The following NBAS variants were observed in gnomAD, a reference collection of about 807,000 sequenced individuals.
NBAS encodes the protein NBAS subunit of NRZ tethering complex.
A neutral mutation model predicts 302.5 loss-of-function variants in NBAS; 219 were observed. The observed-to-expected ratio is 0.72, with a 90% confidence interval of 0.65 to 0.81. NBAS has a LOEUF of 0.81. Among genes scored for constraint, NBAS ranks in the 30% least tolerant of loss-of-function variants. The pLI is 0.00. For synonymous variants in NBAS, 1,118 were observed against 1,021.6 expected (o/e 1.09, Z -1.80); for missense variants, 2,932 against 2,841.6 (o/e 1.03, Z -0.72).
intron 9 of NBAS, among the ~76,000 whole-genome samples, chr2:15,533,999 A>C (rs79772934): frequency 6.6e-6 from 1 of 152,180 alleles, no homozygotes; most frequent in African/African-American, 2.4e-5. Flanking sequence ...CTGTTCTCAA[A>C]TAACAAAATT....
At chr2:15,412,781 G>C (rs370134260) in intron 25 of NBAS, among the ~76,000 whole-genome samples, 69 of 152,234 alleles carry the variant, frequency 4.5e-4, no homozygotes, top group East Asian at 2.5e-3. Flanking sequence ...AGCCATGAAG[G>C]GGGGGCTCTT....
the NBAS span, among the ~76,000 whole-genome samples, chr2:14,874,442 T>C: frequency 4.9e-5 from 7 of 143,224 alleles, no homozygotes; most frequent in East Asian, 2.1e-4. Context: ...CTGTCTAACA[T>C]GGTGAAACCC....
Position 15,551,495 on chromosome 2 carries a change from T to C in NBAS, c.377A>G (p.Gln126Arg), listed in dbSNP as rs771393701. ...TTAAATATTTTGGAAACTCTTACCT[T>C]GACATTTCCCAATAATGGATGTAAA... ...DDFTSIIGKC[Q>R]VPKDPKPQWR... Residue 126 changes from glutamine (Q) to arginine (R), a missense_variant and splice_region_variant, in exon 6 of 52, where the codon CAA becomes CGA. Physicochemically the swap from Gln to Arg is conservative, Grantham distance 43 (BLOSUM62 1). Transcript: ENST00000281513. 6.2e-7 allele frequency: 1 copy of C among 1,607,400 alleles called. No homozygotes were observed. The highest frequency in any genetic ancestry group is 8.5e-7 in the Non-Finnish European group (1 of 1,175,612).
At chr2:15,034,901 C>T in the NBAS span, among the ~76,000 whole-genome samples, 15 of 152,208 alleles carry the variant, frequency 9.9e-5, no homozygotes, top group Admixed American at 7.8e-4. Flanking sequence ...CACATACAAA[C>T]ACTTCGTTGG....
chr2:15,055,325 C>T, the NBAS span, among the ~76,000 whole-genome samples: 2 of 152,150 alleles, frequency 1.3e-5, no homozygotes, highest in Non-Finnish European at 2.9e-5. Flanking sequence ...CCAGTGACCT[C>T]CCAGAGAGAG....
At chr2:14,874,726 A>G in the NBAS span, among the ~76,000 whole-genome samples, 4 of 151,454 alleles carry the variant, frequency 2.6e-5, no homozygotes, top group Non-Finnish European at 5.9e-5. Context: ...AGATTTTTAC[A>G]TCTCCAAGCA....
At position 15,383,259 on chromosome 2, in the gene NBAS, G is replaced by A. The variant is rs767908363; in HGVS notation, c.3316C>T (p.Gln1106Ter). The change falls in exon 29 of 52, where the codon CAG becomes TAG. Residue 1106 changes from glutamine (Q) to a stop codon, truncating the protein, a stop_gained. Transcript: ENST00000281513. LOFTEE classifies it high-confidence loss of function. ...TCTAGACATGTGTATACATTCTGCTGCATAGTTAACATGTCTTGCAGCAAC... is the reference window on the plus strand; with the variant it reads ...TCTAGACATGTGTATACATTCTGCTACATAGTTAACATGTCTTGCAGCAAC... ...RTLLQDMLTM[Q>*]QNVYTCLDSD... 3.7e-6 allele frequency: 6 copies of A among 1,613,896 alleles called. No individual in the cohort carries two copies. Among genetic ancestry groups the A allele is most frequent in the Admixed American group, 3.3e-5 (2 of 59,986 alleles).
the NBAS span, among the ~76,000 whole-genome samples, chr2:15,014,647 TA>T: frequency 6.6e-6 from 1 of 152,174 alleles, no homozygotes; most frequent in African/African-American, 2.4e-5. Flanking sequence ...GAGGTAAGTT[TA>T]TAACAATAAA....
intron 46 of NBAS, among the ~76,000 whole-genome samples, chr2:15,233,551 T>A (rs12616994): frequency 3.4e-4 from 51 of 152,128 alleles, no homozygotes; most frequent in African/African-American, 1.2e-3. Flanking sequence ...CCAAAAGGTA[T>A]GAAATATGGC....
At position 15,287,068 on chromosome 2, in the gene NBAS, C is replaced by CT. The variant is rs1252660313; in HGVS notation, c.5138+4dup. The CT allele has an allele frequency of 6.3e-7, 1 of 1,590,650 alleles. No homozygotes were observed. The highest frequency in any genetic ancestry group is 1.7e-5 in the Admixed American group (1 of 59,978). The stretch of plus-strand genomic sequence containing the variant: ...AACAAACGTACATATGAACTGTGTG[C>CT]TTACCCACTGTCCGTGAAGAGGAAC... On this transcript the variant is annotated splice_donor_region_variant and intron_variant, in intron 42 of 51. Transcript: ENST00000281513.
At chr2:14,963,200 G>A in the NBAS span, among the ~76,000 whole-genome samples, 9 of 152,006 alleles carry the variant, frequency 5.9e-5, no homozygotes, top group East Asian at 1.9e-4. Flanking sequence ...CCTGGGAGGC[G>A]GAGGTTGCAG....
intron 32 of NBAS, among the ~76,000 whole-genome samples, chr2:15,359,695 A>T (rs984016098): frequency 2.0e-5 from 3 of 149,296 alleles, no homozygotes; most frequent in Non-Finnish European, 2.9e-5. Context: ...CTATCCGGAC[A>T]AAAAAAATTG....
chr2:15,161,941 C>T (rs114883810), downstream of NBAS, among the ~76,000 whole-genome samples: 154 of 152,262 alleles, frequency 1.0e-3, no homozygotes, highest in African/African-American at 3.4e-3. Flanking sequence ...GACCACACTA[C>T]GTGCAGATGG....
chr2:15,048,287 G>A, the NBAS span, among the ~76,000 whole-genome samples: 229 of 152,322 alleles, frequency 1.5e-3, no homozygotes, highest in Middle Eastern at 6.8e-3. Context: ...CATCCGTGCC[G>A]GATGCTCTTT....
chr2:15,200,833 TC>T (rs1665841173), intron 48 of NBAS, among the ~76,000 whole-genome samples: 1 of 152,172 alleles, frequency 6.6e-6, no homozygotes, highest in Admixed American at 6.5e-5. Flanking sequence ...AGTCTTAACC[TC>T]AAATTTCTCT....
At chr2:15,223,442 A>C (rs1667034334) in intron 47 of NBAS, among the ~76,000 whole-genome samples, 1 of 152,216 alleles carries the variant, frequency 6.6e-6, no homozygotes, top group Non-Finnish European at 1.5e-5. Context: ...AGGAAGAAGG[A>C]AAGTGATTTC....
At chr2:14,930,373 T>C in the NBAS span, among the ~76,000 whole-genome samples, 1 of 152,146 alleles carries the variant, frequency 6.6e-6, no homozygotes, top group African/African-American at 2.4e-5. Context: ...TGTGGAAGCA[T>C]GGAATAGGAT....
intron 12 of NBAS, 37 bp downstream of exon 12, chr2:15,488,857 C>T (rs1289910776): frequency 1.2e-6 from 2 of 1,610,852 alleles, no homozygotes; most frequent in Admixed American, 1.7e-5. Flanking sequence ...AATACTCACC[C>T]TTAAGAGAGT....
In NBAS at chr2:15,292,700, G is replaced by A. The variant is rs1398867658; in HGVS notation, c.4864C>T (p.Pro1622Ser). The A allele has an allele frequency of 1.9e-6, 3 of 1,614,164 alleles. No individual in the cohort carries two copies. The highest frequency in any genetic ancestry group is 2.2e-5 in the South Asian group (2 of 91,066). ...HVTRHEHEAW[P>S]EDLISLTKQL... is the part of the protein sequence containing the mutation. The stretch of plus-strand genomic sequence containing the variant: ...TTGGTCAGTGAAATAAGGTCTTCAG[G>A]CCAGGCTTCGTGCTCATGTCGAGTC... Residue 1622 changes from proline to serine, a missense_variant, in exon 41 of 52, where the codon CCT becomes TCT. By Grantham distance (74) the Pro-to-Ser change is moderately conservative. Coordinates refer to ENST00000281513, the MANE Select transcript of NBAS (RefSeq NM_015909.4).
Sources: allele counts gnomAD v4.1 joint callset (sites outside exome capture counted in the v4.1 genomes callset), GRCh38; gene constraint gnomAD v4.1.1; transcripts MANE v1.5; gene names NCBI Gene and HGNC (gene_info 2026-07-23, HGNC 2026-07-21).